The following SIRT7 variants were observed in gnomAD, a reference collection of about 807,000 sequenced individuals.
SIRT7 encodes the protein sirtuin 7, also known as NAD-dependent protein deacetylase sirtuin-7.
Under a neutral mutation model 42.8 loss-of-function variants are expected in SIRT7, and 32 were observed. The observed-to-expected ratio is 0.75, with a 90% CI of 0.56 to 1.00. SIRT7 has a LOEUF of 1.00. Ranked by LOEUF, SIRT7 falls within the 50% of genes least tolerant of loss-of-function variation. The pLI, the probability that SIRT7 is intolerant of heterozygous loss-of-function variation, is 0.00. For missense variants in SIRT7, 553 were observed against 572.2 expected (o/e 0.97, Z 0.34); for synonymous variants, 297 against 245.2 (o/e 1.21, Z -1.97).
chr17:81,917,908 C>T lies in SIRT7; in HGVS notation c.153G>A (p.Leu51=), dbSNP rs1474412197. The T allele has an allele frequency of 2.1e-6, 3 of 1,423,150 alleles. No individual in the cohort carries two copies. The South Asian group carries it at 4.3e-5, about 20-fold the overall frequency. 88.2% of individuals were successfully genotyped at this position (1,423,150 alleles called of 1,614,324 possible). ...CCGTTACCAGGTCCGCGCTCTCGGCCAGCAGCCGGCCCTCCTCGGCGCTGC... is the reference window on the plus strand; with the variant it reads ...CCGTTACCAGGTCCGCGCTCTCGGCTAGCAGCCGGCCCTCCTCGGCGCTGC... ...AERSAEEGRL[L]AESADLVTEL... is the part of the protein sequence containing the mutation. The change falls in exon 2 of 10, where the codon CTG becomes CTA. Residue 51 remains leucine (L), a synonymous_variant. Coordinates refer to ENST00000328666, the MANE Select transcript of SIRT7 (RefSeq NM_016538.3).
At position 81,916,372 on chromosome 17, in the gene SIRT7, G is replaced by A. The variant is rs540490359; in HGVS notation, c.337-691C>T. ...TCAAGACGGGAACCTCAAACACTCC[G>A]ATGAAATCCACTAGCTGCATGTGCT... On this transcript the variant is annotated intron_variant, in intron 3 of 9. Coordinates refer to ENST00000328666, the MANE Select transcript of SIRT7 (RefSeq NM_016538.3). The A allele has an allele frequency of 9.2e-5, 14 of 151,878 alleles. No homozygotes were observed. In the South Asian group the frequency reaches 2.7e-3, roughly 29 times the overall value. The allele number at this position is 151,878 out of a possible 1,614,324, so 9.4% of individuals were successfully genotyped here.
intron 3 of SIRT7, chr17:81,915,927 C>G (rs1365505868): frequency 1.9e-6 from 1 of 514,250 alleles, no homozygotes; most frequent in Non-Finnish European, 3.6e-6. Context: ...CTGCACGCAG[C>G]CCTGCCTGCC....
rs1307860993 is a variant in SIRT7, at chr17:81,913,227, G to A, written c.1004+547C>T. Reference sequence around the variant, plus strand: ...CATACAAGAAGTGCCAGGCCCAGAAGGTGAAGGGATCCTTAATTTCTTGAA... The same window carrying A: ...CATACAAGAAGTGCCAGGCCCAGAAAGTGAAGGGATCCTTAATTTCTTGAA... On this transcript the variant is annotated intron_variant, in intron 9 of 9. Coordinates refer to ENST00000328666, the MANE Select transcript of SIRT7 (RefSeq NM_016538.3). This position sits in a 1 kb window ranked among gnomAD's most constrained non-coding sequence, Gnocchi z 5.0. 1 of 455,070 alleles carries A rather than the reference G, an allele frequency of 2.2e-6. No homozygotes were observed. The highest frequency in any genetic ancestry group is 4.4e-6 in the Non-Finnish European group (1 of 226,652). The allele number at this position is 455,070 out of a possible 1,614,324, so 28.2% of individuals were successfully genotyped here. A position where few individuals can be genotyped will look rare whatever the true frequency, so the allele number is the denominator to read the frequency against.
chr17:81,917,736 G>A lies in SIRT7; in HGVS notation c.232-17C>T. The A allele has an allele frequency of 6.4e-7, 1 of 1,550,810 alleles. No homozygotes were observed. Among genetic ancestry groups the A allele is most frequent in the Non-Finnish European group, 8.7e-7 (1 of 1,150,726 alleles). ...GTCGCACACCTGCCAAGACGCCAGG[G>A]TGGTCACCGCCCCGGGCCGCCCCAC... On this transcript the variant is annotated splice_polypyrimidine_tract_variant and intron_variant, in intron 2 of 9. Coordinates refer to ENST00000328666, the MANE Select transcript of SIRT7 (RefSeq NM_016538.3).
chr17:81,917,377 T>C (rs1272911805), intron 3 of SIRT7: 1 of 414,738 alleles, frequency 2.4e-6, no homozygotes, highest in Non-Finnish European at 4.3e-6. Context: ...TCTGTCCACA[T>C]AACCTGGGGG....
chr17:81,916,436 CTG>C, intron 3 of SIRT7: 1 of 148,524 alleles, frequency 6.7e-6, no homozygotes, highest in South Asian at 2.1e-4. Context: ...GGTCACGTGA[CTG>C]TTACATAATT....
Position 81,917,962 on chromosome 17 carries a change from C to A in SIRT7, c.99G>T (p.Ser33=). The A allele has an allele frequency of 7.4e-7, 1 of 1,352,434 alleles. No homozygotes were observed. The highest frequency in any genetic ancestry group is 1.9e-5 in the South Asian group (1 of 53,192). 83.8% of individuals were successfully genotyped at this position (1,352,434 alleles called of 1,614,324 possible). A position where few individuals can be genotyped will look rare whatever the true frequency, so the allele number is the denominator to read the frequency against. Residue 33 remains serine, a synonymous_variant, in exon 2 of 10, where the codon TCG becomes TCT. Transcript: ENST00000328666. The part of the protein sequence containing the change: ...EQQRERLRQV[S]RILRKAAAER... ...CCGCCGCCGCCTTCCTCAGGATGCG[C>A]GACACCTGCGGGCAGGCGGACGGTG... is the stretch of plus-strand genomic sequence containing the variant.
At chr17:81,916,442 C>G (rs1308147484) in intron 3 of SIRT7, 1 of 147,588 alleles carries the variant, frequency 6.8e-6, no homozygotes, top group Non-Finnish European at 1.5e-5. Context: ...GTGACTGTTA[C>G]ATAATTACAT....
intron 2 of SIRT7, 32 bp downstream of exon 2, chr17:81,917,797 CG>C (rs1376623270): frequency 5.0e-6 from 7 of 1,407,590 alleles, no homozygotes; most frequent in South Asian, 1.6e-5. Context: ...CTCCCGAAAC[CG>C]GGGGCGCCCG....
chr17:81,917,404 G>A, intron 3 of SIRT7: 1 of 452,752 alleles, frequency 2.2e-6, no homozygotes, highest in African/African-American at 2.0e-5. Context: ...CGAGCAGTCG[G>A]CTACTACACC....
intron 7 of SIRT7, 28 bp downstream of exon 7, chr17:81,914,266 G>T (rs768859838): frequency 6.2e-7 from 1 of 1,612,110 alleles, no homozygotes; most frequent in Admixed American, 1.7e-5. Flanking sequence ...CAGGGGCTCG[G>T]TTCACTCATT....
rs150366104 is a variant in SIRT7, at chr17:81,915,179, C to G, written c.480+261G>C. The stretch of plus-strand genomic sequence containing the variant: ...GGCTTCTGAGGTCCACAGAAAAATG[C>G]AAGGGAATCACAAAGGGGAAAGGCC... On this transcript the variant is annotated intron_variant, in intron 5 of 9. Transcript: ENST00000328666. 4.2e-3 allele frequency: 2,381 copies of G among 568,832 alleles called. 93 individuals are homozygous for G. The Admixed American group carries it at 0.066, about 16-fold the overall frequency. The allele number at this position is 568,832 out of a possible 1,614,324, so 35.2% of individuals were successfully genotyped here. A position where few individuals can be genotyped will look rare whatever the true frequency, so the allele number is the denominator to read the frequency against.
Position 81,914,543 on chromosome 17 carries a change from G to T in SIRT7, c.580-13C>A. On this transcript the variant is annotated splice_polypyrimidine_tract_variant and intron_variant, in intron 6 of 9. Transcript: ENST00000328666. ...AGGAGGTACAGACCTAGAGGCAAGA[G>T]GGCACAGTGAGTGGGACCCGCCTGC... 6.2e-7 allele frequency: 1 copy of T among 1,613,096 alleles called. No homozygotes were observed. Among genetic ancestry groups the T allele is most frequent in the Non-Finnish European group, 8.5e-7 (1 of 1,179,890 alleles).
rs1361101096 is a variant in SIRT7, at chr17:81,913,732, A to T, written c.1004+42T>A. On this transcript the variant is annotated intron_variant, in intron 9 of 9. Coordinates refer to ENST00000328666, the MANE Select transcript of SIRT7 (RefSeq NM_016538.3). The surrounding 1 kb of genome is among the most constrained non-coding windows in gnomAD (Gnocchi z 5.0). Reference sequence around the variant, plus strand: ...AGAGAAGACAGACAAGGCCCAGCACACAGAGGTGCGGGGAAGCAGGCTGCT... The same window carrying T: ...AGAGAAGACAGACAAGGCCCAGCACTCAGAGGTGCGGGGAAGCAGGCTGCT... 1 of 1,473,502 alleles carries T rather than the reference A, an allele frequency of 6.8e-7. No homozygotes were observed. Among genetic ancestry groups the T allele is most frequent in the Admixed American group, 2.0e-5 (1 of 50,926 alleles). 91.3% of individuals were successfully genotyped at this position (1,473,502 alleles called of 1,614,324 possible). A position where few individuals can be genotyped will look rare whatever the true frequency, so the allele number is the denominator to read the frequency against.
chr17:81,912,480 G>A lies in SIRT7; in HGVS notation c.1139C>T (p.Pro380Leu). The stretch of plus-strand genomic sequence containing the variant: ...CCTGCCAAACCAGCCCCCTAGGATG[G>A]GGGCCGAGCTAAGCGGTGCACCCCG... ...GDRGAPLSSA[P>L]ILGGWFGRGC... is the part of the protein sequence containing the mutation. The change falls in exon 10 of 10, where the codon CCC becomes CTC. Residue 380 changes from proline (P) to leucine (L), a missense_variant. Transcript: ENST00000328666. The A allele has an allele frequency of 3.1e-6, 5 of 1,613,958 alleles. No individual in the cohort carries two copies. The highest frequency in any genetic ancestry group is 4.2e-6 in the Non-Finnish European group (5 of 1,180,004).
chr17:81,912,433 T>C lies in SIRT7; in HGVS notation c.1186A>G (p.Arg396Gly). Residue 396 changes from arginine to glycine, a missense_variant, in exon 10 of 10, where the codon AGG becomes GGG. Arg to Gly is a moderately radical substitution (Grantham distance 125, BLOSUM62 -2). Coordinates refer to ENST00000328666, the MANE Select transcript of SIRT7 (RefSeq NM_016538.3). ...GCACGTGATTACGTCACTTTCTTCC[T>C]TTTTGTGCGTTTTGTGCAGCCCCTG... ...FGRGCTKRTK[R>G]KKVT is the part of the protein sequence containing the mutation. The C allele has an allele frequency of 4.3e-6, 7 of 1,614,096 alleles. No individual in the cohort carries two copies. The highest frequency in any genetic ancestry group is 5.9e-6 in the Non-Finnish European group (7 of 1,180,024).
In SIRT7 at chr17:81,912,502, C is replaced by G. The variant is rs1190274538; in HGVS notation, c.1117G>C (p.Gly373Arg). The G allele has an allele frequency of 6.2e-7, 1 of 1,613,768 alleles. No homozygotes were observed. Among genetic ancestry groups the G allele is most frequent in the Admixed American group, 1.7e-5 (1 of 60,000 alleles). Residue 373 changes from glycine to arginine, a missense_variant, in exon 10 of 10, where the codon GGT becomes CGT. Transcript: ENST00000328666. Reference protein sequence around the residue: ...SREEAPPGDRGAPLSSAPILG... With the variant: ...SREEAPPGDRRAPLSSAPILG... ...ATGGGGGCCGAGCTAAGCGGTGCAC[C>G]CCGGTCCCCAGGCGGGGCCTCCTCT...
chr17:81,912,663 G>A (rs898967783), intron 9 of SIRT7, 49 bp from the exon 10 acceptor site: 2 of 1,567,304 alleles, frequency 1.3e-6, no homozygotes, highest in African/African-American at 1.4e-5. Flanking sequence ...GCCTCTCGCA[G>A]TCACACCTGC....
Position 81,917,963 on chromosome 17 carries a change from G to T in SIRT7, c.98C>A (p.Ser33Ter). 1 of 1,350,494 alleles carries T rather than the reference G, an allele frequency of 7.4e-7. No homozygotes were observed. The highest frequency in any genetic ancestry group is 1.9e-5 in the South Asian group (1 of 52,764). The allele number at this position is 1,350,494 out of a possible 1,614,324, so 83.7% of individuals were successfully genotyped here. Reference sequence around the variant, plus strand: ...CGCCGCCGCCTTCCTCAGGATGCGCGACACCTGCGGGCAGGCGGACGGTGA... The same window carrying T: ...CGCCGCCGCCTTCCTCAGGATGCGCTACACCTGCGGGCAGGCGGACGGTGA... ...EQQRERLRQV[S>*]RILRKAAAER... The change falls in exon 2 of 10, where the codon TCG (serine) becomes TAG (stop). Residue 33 changes from serine (S) to a stop codon, truncating the protein, a stop_gained. Coordinates refer to ENST00000328666, the MANE Select transcript of SIRT7 (RefSeq NM_016538.3). LOFTEE classifies it high-confidence loss of function.
Sources: allele counts gnomAD v4.1 joint callset, GRCh38; gene constraint gnomAD v4.1.1; non-coding constraint Gnocchi (gnomAD v3.1); transcripts MANE v1.5; gene names NCBI Gene and HGNC (gene_info 2026-07-23, HGNC 2026-07-21).